Variants in GABRB3 observed in about 807,000 individuals in gnomAD.
GABRB3 encodes the protein gamma-aminobutyric acid receptor subunit beta-3.
GABRB3 carries 14 observed loss-of-function variants against 52.1 expected under a neutral mutation model. The ratio of observed to expected loss-of-function variants is 0.27; its 90% CI spans 0.18 to 0.42. The LOEUF (loss-of-function observed/expected upper bound fraction) is 0.42. GABRB3 is among the 10% of genes least tolerant of loss of function. The pLI is 1.00. For synonymous variants in GABRB3, 260 were observed against 232.3 expected, an observed-to-expected ratio of 1.12 and a Z score of -1.08; for missense variants, 307 against 609.1, an observed-to-expected ratio of 0.50 and a Z score of 5.22.
intron 3 of GABRB3, among the ~76,000 whole-genome samples, chr15:26,661,659 T>C (rs1239917347): frequency 6.6e-6 from 1 of 151,994 alleles, no homozygotes; most frequent in African/African-American, 2.4e-5. Flanking sequence ...GTGAGGGAAA[T>C]GCATATGGGA....
At chr15:26,594,141 A>G (rs765061905) in intron 4 of GABRB3, among the ~76,000 whole-genome samples, 9 of 151,204 alleles carry the variant, frequency 6.0e-5, no homozygotes, top group Non-Finnish European at 1.2e-4. Flanking sequence ...TTCTTTGTCC[A>G]TGTTTTCCCT....
chr15:26,618,452 T>C (rs1892349027), intron 4 of GABRB3, among the ~76,000 whole-genome samples: 2 of 152,134 alleles, frequency 1.3e-5, no homozygotes, highest in South Asian at 2.1e-4. Flanking sequence ...CTGGGAAAAC[T>C]GGCTAGCCAT....
At chr15:26,663,567 T>C (rs1887614398) in intron 3 of GABRB3, among the ~76,000 whole-genome samples, 1 of 152,232 alleles carries the variant, frequency 6.6e-6, no homozygotes, top group Admixed American at 6.5e-5. Flanking sequence ...TCTTTTTTCA[T>C]CACCTGACTT....
chr15:26,684,857 T>A (rs1293031198), intron 3 of GABRB3, among the ~76,000 whole-genome samples: 2 of 152,144 alleles, frequency 1.3e-5, no homozygotes, highest in Non-Finnish European at 2.9e-5. Context: ...CAGGTCACCA[T>A]GACAGACAGA....
chr15:26,714,985 G>A (rs369315438), intron 3 of GABRB3, among the ~76,000 whole-genome samples: 1 of 152,060 alleles, frequency 6.6e-6, no homozygotes, highest in Non-Finnish European at 1.5e-5. Context: ...AAAAAGCCAC[G>A]TGCAAAAAAA....
intron 7 of GABRB3, among the ~76,000 whole-genome samples, chr15:26,567,232 G>T (rs765594388): frequency 6.6e-6 from 1 of 152,110 alleles, no homozygotes; most frequent in Admixed American, 6.5e-5. Context: ...TAAAAAAGAA[G>T]AATGCACAAT....
chr15:26,554,173 A>ATATATATATAT, intron 8 of GABRB3, among the ~76,000 whole-genome samples: 1 of 31,392 alleles, frequency 3.2e-5, no homozygotes, highest in South Asian at 1.8e-3. Flanking sequence ...ATATATATAT[A>ATATATATATAT]AAGTATATAT....
chr15:26,601,846 A>T (rs1891601813), intron 4 of GABRB3, among the ~76,000 whole-genome samples: 1 of 152,180 alleles, frequency 6.6e-6, no homozygotes, highest in South Asian at 2.1e-4. Context: ...AAGAAGAAAG[A>T]AGGAAGAGAA....
chr15:26,604,856 G>A (rs1169981747), intron 4 of GABRB3, among the ~76,000 whole-genome samples: 2 of 151,952 alleles, frequency 1.3e-5, no homozygotes, highest in Non-Finnish European at 2.9e-5. Context: ...ATTGGTCTGG[G>A]AAAAAGAAAA....
chr15:26,679,007 G>C (rs927090624), intron 3 of GABRB3, among the ~76,000 whole-genome samples: 38 of 152,120 alleles, frequency 2.5e-4, no homozygotes, highest in South Asian at 4.1e-4. Flanking sequence ...ACAGGGCAGG[G>C]TCCCTCTAGG....
At chr15:26,772,492 C>A (rs754625640) in intron 2 of GABRB3, 23 bp from the exon 3 acceptor site, 2 of 1,607,388 alleles carry the variant, frequency 1.2e-6, no homozygotes, top group Admixed American at 1.7e-5. Context: ...CAGGACACGG[C>A]GATCAGCCCA....
At chr15:26,642,024 G>C (rs1201695922) in intron 3 of GABRB3, among the ~76,000 whole-genome samples, 5 of 151,904 alleles carry the variant, frequency 3.3e-5, no homozygotes, top group African/African-American at 1.2e-4. Context: ...CAAGTAGCTG[G>C]GACTACAGGC....
chr15:26,649,230 C>T (rs1249739072), intron 3 of GABRB3, among the ~76,000 whole-genome samples: 1 of 152,084 alleles, frequency 6.6e-6, no homozygotes, highest in East Asian at 1.9e-4. Context: ...GTCATGAGGG[C>T]TCTGCCCTCA....
intron 3 of GABRB3, among the ~76,000 whole-genome samples, chr15:26,758,974 T>TG (rs34541847): frequency 6.6e-6 from 1 of 152,160 alleles, no homozygotes; most frequent in Non-Finnish European, 1.5e-5. Flanking sequence ...AAATTGTTTG[T>TG]GGGGGTCACT....
intron 3 of GABRB3, among the ~76,000 whole-genome samples, chr15:26,733,126 A>G (rs1318236423): frequency 1.6e-4 from 24 of 152,236 alleles, no homozygotes; most frequent in Non-Finnish European, 2.9e-5. Flanking sequence ...CTTCTATTCA[A>G]CATAGTACTG....
intron 4 of GABRB3, among the ~76,000 whole-genome samples, chr15:26,601,389 G>A (rs916231012): frequency 2.6e-5 from 4 of 151,238 alleles, no homozygotes; most frequent in East Asian, 2.0e-4. Context: ...CAGCCTGGGC[G>A]ACACAGCGAA....
intron 3 of GABRB3, among the ~76,000 whole-genome samples, chr15:26,725,480 T>A (rs774552481): frequency 3.3e-5 from 5 of 152,210 alleles, no homozygotes; most frequent in Middle Eastern, 3.2e-3. Flanking sequence ...AAAGCGCCAA[T>A]GTTACTTGCT....
intron 3 of GABRB3, among the ~76,000 whole-genome samples, chr15:26,711,867 G>A (rs1889308633): frequency 1.3e-5 from 2 of 152,220 alleles, no homozygotes; most frequent in African/African-American, 4.8e-5. Context: ...AGTAAAACAA[G>A]TAAGGGGAGA....
intron 3 of GABRB3, among the ~76,000 whole-genome samples, chr15:26,762,669 A>G (rs1418201140): frequency 6.6e-6 from 1 of 152,234 alleles, no homozygotes; most frequent in Non-Finnish European, 1.5e-5. Flanking sequence ...ATAATTTCCA[A>G]TATTATTTGA....
Sources: allele counts gnomAD v4.1 joint callset (sites outside exome capture counted in the v4.1 genomes callset), GRCh38; gene constraint gnomAD v4.1.1; transcripts MANE v1.5; gene names NCBI Gene and HGNC (gene_info 2026-07-23, HGNC 2026-07-21).